Variants in SORCS2 observed in about 807,000 individuals in gnomAD.
SORCS2 encodes VPS10 domain-containing receptor SorCS2.
SORCS2 carries 100 observed loss-of-function variants against 141.6 expected under a neutral mutation model. The observed-to-expected ratio is 0.71, with a 90% CI of 0.60 to 0.83. SORCS2 has a LOEUF of 0.83. SORCS2 is among the 40% of genes least tolerant of loss of function. The pLI, the probability that SORCS2 is intolerant of heterozygous loss-of-function variation, is 0.00. For missense variants in SORCS2, 1,646 were observed against 1,560.2 expected (o/e 1.05, Z -0.93); for synonymous variants, 789 against 676.9 (o/e 1.17, Z -2.57).
intron 1 of SORCS2, among the ~76,000 whole-genome samples, chr4:7,203,857 T>G (rs1356739666): frequency 6.6e-6 from 1 of 152,134 alleles, no homozygotes; most frequent in Non-Finnish European, 1.5e-5. Context: ...ACAGTCTACT[T>G]TCTGTCTCTA....
intron 1 of SORCS2, among the ~76,000 whole-genome samples, chr4:7,208,563 C>T (rs528714369): frequency 3.9e-5 from 6 of 152,332 alleles, no homozygotes; most frequent in South Asian, 2.1e-4. Context: ...GGGATGACCA[C>T]GGCTGTTTCA....
At chr4:7,554,440 C>G (rs1713955414) in intron 3 of SORCS2, among the ~76,000 whole-genome samples, 1 of 152,198 alleles carries the variant, frequency 6.6e-6, no homozygotes, top group African/African-American at 2.4e-5. Context: ...CATGTCCTCT[C>G]TGTGCTGACA....
chr4:7,584,242 A>T (rs1333979313), intron 3 of SORCS2, among the ~76,000 whole-genome samples: 1 of 152,348 alleles, frequency 6.6e-6, no homozygotes, highest in African/African-American at 2.4e-5. Context: ...GTCCAAGAGC[A>T]TGGGAATCCC....
At chr4:7,529,560 G>A (rs1733901220) in intron 2 of SORCS2, among the ~76,000 whole-genome samples, 1 of 152,208 alleles carries the variant, frequency 6.6e-6, no homozygotes, top group African/African-American at 2.4e-5. Context: ...AAGGCGAGCA[G>A]AGCTGGGAGT....
intron 1 of SORCS2, among the ~76,000 whole-genome samples, chr4:7,316,531 C>T (rs1718572787): frequency 6.6e-6 from 1 of 152,194 alleles, no homozygotes; most frequent in Non-Finnish European, 1.5e-5. Flanking sequence ...GCTCTCATGT[C>T]GTCATTATTA....
chr4:7,654,520 C>A (rs1000152737), intron 5 of SORCS2, among the ~76,000 whole-genome samples: 1 of 152,222 alleles, frequency 6.6e-6, no homozygotes, highest in African/African-American at 2.4e-5. Context: ...GCTGTTCCCT[C>A]CCCGAGCCTC....
intron 2 of SORCS2, among the ~76,000 whole-genome samples, chr4:7,451,706 TG>T (rs909141481): frequency 6.6e-5 from 10 of 152,006 alleles, no homozygotes; most frequent in Non-Finnish European, 5.9e-5. Flanking sequence ...ACTGGGGTGG[TG>T]GGGGGGCTAT....
chr4:7,250,804 C>T (rs770579954), intron 1 of SORCS2, among the ~76,000 whole-genome samples: 1 of 152,280 alleles, frequency 6.6e-6, no homozygotes, highest in Non-Finnish European at 1.5e-5. Flanking sequence ...AGTGGGTTCC[C>T]TTTCACTTTG....
chr4:7,476,252 C>G (rs564779616), intron 2 of SORCS2, among the ~76,000 whole-genome samples: 1 of 152,312 alleles, frequency 6.6e-6, no homozygotes. Context: ...CACATAGACA[C>G]AGATTGATAC....
chr4:7,599,257 C>G (rs537412875), intron 3 of SORCS2, among the ~76,000 whole-genome samples: 6 of 152,280 alleles, frequency 3.9e-5, no homozygotes, highest in Admixed American at 2.6e-4. Flanking sequence ...GCCTCTGCTC[C>G]CCTGCCAGCC....
chr4:7,715,328 G>A lies in SORCS2; in HGVS notation c.2252+17G>A. ...CAGCCTTGGGTGAGTGTGGGTGCGG[G>A]CCTCTCCCTGCCTAAATCCGGGGGC... On this transcript the variant is annotated intron_variant, in intron 17 of 26. Transcript: ENST00000507866. 3 of 1,612,124 alleles carry A rather than the reference G, an allele frequency of 1.9e-6. No homozygotes were observed. Among genetic ancestry groups the A allele is most frequent in the Admixed American group, 3.3e-5 (2 of 59,974 alleles).
chr4:7,636,129 C>A (rs559254640), intron 3 of SORCS2, among the ~76,000 whole-genome samples: 2 of 152,120 alleles, frequency 1.3e-5, no homozygotes, highest in Non-Finnish European at 2.9e-5. Flanking sequence ...TCCAGCCCCA[C>A]GCGAGGCCCA....
intron 2 of SORCS2, among the ~76,000 whole-genome samples, chr4:7,447,201 C>T (rs1041661456): frequency 6.6e-6 from 1 of 152,224 alleles, no homozygotes; most frequent in African/African-American, 2.4e-5. Flanking sequence ...CTCCTTGTAA[C>T]TCCCTGCAGG....
intron 3 of SORCS2, among the ~76,000 whole-genome samples, chr4:7,543,358 C>T (rs1236532737): frequency 1.3e-5 from 2 of 152,148 alleles, no homozygotes; most frequent in African/African-American, 4.8e-5. Flanking sequence ...CATCCTCCCA[C>T]CCACCTATCC....
At chr4:7,563,268 C>T (rs185613569) in intron 3 of SORCS2, among the ~76,000 whole-genome samples, 3 of 152,110 alleles carry the variant, frequency 2.0e-5, no homozygotes, top group East Asian at 1.9e-4. Context: ...ATGCCACCAC[C>T]GTGGGCCAGG....
intron 3 of SORCS2, among the ~76,000 whole-genome samples, chr4:7,576,478 G>A (rs1715760472): frequency 6.6e-6 from 1 of 152,220 alleles, no homozygotes; most frequent in African/African-American, 2.4e-5. Flanking sequence ...CTAGAGCCAA[G>A]CCCTGTGGGA....
intron 11 of SORCS2, among the ~76,000 whole-genome samples, chr4:7,690,985 C>T (rs1724208763): frequency 6.6e-6 from 1 of 152,166 alleles, no homozygotes; most frequent in African/African-American, 2.4e-5. Flanking sequence ...TGTCTGAGGT[C>T]GCTTGGCTGG....
intron 3 of SORCS2, among the ~76,000 whole-genome samples, chr4:7,572,642 G>T (rs192060451): frequency 2.6e-5 from 4 of 152,278 alleles, no homozygotes; most frequent in African/African-American, 7.2e-5. Context: ...GGGAGGAAGG[G>T]CTTGTTACCA....
At chr4:7,567,365 C>T (rs951944889) in intron 3 of SORCS2, among the ~76,000 whole-genome samples, 3 of 150,812 alleles carry the variant, frequency 2.0e-5, no homozygotes, top group Admixed American at 6.6e-5. Flanking sequence ...GCTTCGGCTC[C>T]GCCTGGCTGT....
Sources: gnomAD v4.1 joint callset for allele counts (sites outside exome capture counted in the v4.1 genomes callset) on GRCh38, gnomAD v4.1.1 for gene constraint, MANE v1.5 for transcripts, NCBI Gene and HGNC (gene_info 2026-07-23, HGNC 2026-07-21) for gene names.